PTBP1: variants seen among roughly 807,000 people sequenced by gnomAD.
PTBP1 encodes polypyrimidine tract binding protein 1.
PTBP1 carries 8 observed loss-of-function variants against 59.8 expected under a neutral mutation model. That is an observed-to-expected ratio of 0.13 (90% CI 0.08 to 0.24). PTBP1 has a LOEUF of 0.24. Among genes scored for constraint, PTBP1 ranks in the 10% least tolerant of loss-of-function variants. PTBP1 has a pLI of 1.00. For missense variants in PTBP1, 686 were observed against 767.0 expected (o/e 0.89, Z 1.25); for synonymous variants, 490 against 320.7 (o/e 1.53, Z -5.64).
chr19:800,910 T>A (rs112372640), intron 2 of PTBP1, among the ~76,000 whole-genome samples: 2,139 of 152,178 alleles, frequency 0.014, 58 homozygotes, highest in African/African-American at 0.049. Context: ...CAGCCAGGAC[T>A]TGAAGCCTGC....
At chr19:805,427 G>T (rs2034522004) in intron 8 of PTBP1, 65 bp from the exon 9 acceptor site, 9 of 1,489,912 alleles carry the variant, frequency 6.0e-6, no homozygotes, top group Middle Eastern at 1.7e-4. Flanking sequence ...GGCCCATCCC[G>T]CAGCACAGCG....
chr19:805,315 C>T (rs2034513667), intron 8 of PTBP1, 128 bp downstream of exon 8: 19 of 1,252,800 alleles, frequency 1.5e-5, no homozygotes, highest in Non-Finnish European at 2.0e-5. Context: ...GCACGGCCAG[C>T]ACAGCACGGT....
chr19:799,500 G>A, intron 2 of PTBP1, 57 bp downstream of exon 2: 4 of 1,563,552 alleles, frequency 2.6e-6, no homozygotes, highest in East Asian at 2.2e-5. Context: ...TGCCGACCCC[G>A]GGGGCCACCC....
intron 2 of PTBP1, among the ~76,000 whole-genome samples, chr19:801,945 C>A (rs1280023488): frequency 2.6e-5 from 4 of 152,202 alleles, no homozygotes; most frequent in Non-Finnish European, 1.5e-5. Context: ...CCGGCCGGAA[C>A]CTCAGGGCCG....
rs759097326 is a variant in PTBP1 at position 808,332 on chromosome 19, C to T, written c.1154-28C>T. ...GATGGGCGGGGCAGGCAGCAGGAGA[C>T]TCAGGCCCCATCCCTGGGCTTTTGA... On this transcript the variant is annotated intron_variant, in intron 11 of 14. Transcript: ENST00000356948. This position sits in a 1 kb window ranked among gnomAD's most constrained non-coding sequence, Gnocchi z 4.7. 1.3e-6 allele frequency: 2 copies of T among 1,555,836 alleles called. No homozygotes were observed. The highest frequency in any genetic ancestry group is 1.9e-5 in the Admixed American group (1 of 54,036).
chr19:802,748 C>CA (rs778733370), intron 2 of PTBP1, among the ~76,000 whole-genome samples: 2 of 152,228 alleles, frequency 1.3e-5, no homozygotes, highest in Non-Finnish European at 2.9e-5. Context: ...TTTGAATAAA[C>CA]GTGTGTCTTC....
In PTBP1 at chr19:808,538, T is replaced by TC. The variant is rs2034689864; in HGVS notation, c.1247-3dup. 6.3e-7 allele frequency: 1 copy of TC among 1,577,022 alleles called. No homozygotes were observed. The highest frequency in any genetic ancestry group is 2.4e-5 in the East Asian group (1 of 42,374). Reference sequence around the variant, plus strand: ...GGGCGCCTGGTCACGCGGGTGCTGCTCCCCCAGCCATGAGCCACCTGAACG... The same window carrying TC: ...GGGCGCCTGGTCACGCGGGTGCTGCTCCCCCCAGCCATGAGCCACCTGAACG... On this transcript the variant is annotated splice_region_variant and splice_polypyrimidine_tract_variant and intron_variant, in intron 12 of 14. Coordinates refer to ENST00000356948, the MANE Select transcript of PTBP1 (RefSeq NM_002819.5). The surrounding 1 kb of genome is among the most constrained non-coding windows in gnomAD (Gnocchi z 4.7).
At chr19:798,352 C>T (rs376801007) in intron 1 of PTBP1, 2 of 152,242 alleles carry the variant, frequency 1.3e-5, no homozygotes, top group African/African-American at 2.4e-5. Flanking sequence ...CGAGCGCTTC[C>T]TGCGCGAGGC....
rs1244307666 is a variant in PTBP1, at chr19:805,153, G to A, written c.858G>A (p.Gln286=). The change falls in exon 8 of 15, where the codon CAG becomes CAA. Residue 286 remains glutamine (Q), a synonymous_variant. Coordinates refer to ENST00000356948, the MANE Select transcript of PTBP1 (RefSeq NM_002819.5). Reference sequence around the variant, plus strand: ...CAGACCTGCCTTCCGGGGACAGCCAGCCCTCGCTGGACCAGACCATGGCCG... The same window carrying A: ...CAGACCTGCCTTCCGGGGACAGCCAACCCTCGCTGGACCAGACCATGGCCG... ...TRPDLPSGDS[Q]PSLDQTMAAA... 9 of 1,613,568 alleles carry A rather than the reference G, an allele frequency of 5.6e-6. No individual in the cohort carries two copies. The highest frequency in any genetic ancestry group is 7.6e-6 in the Non-Finnish European group (9 of 1,179,876).
chr19:810,254 T>C (rs1166283060), intron 13 of PTBP1, among the ~76,000 whole-genome samples: 1 of 152,116 alleles, frequency 6.6e-6, no homozygotes, highest in East Asian at 1.9e-4. Context: ...TGTGGTGAGC[T>C]GAGATCACGC....
At position 808,936 on chromosome 19, in the gene PTBP1, G is replaced by T. The variant is rs1218236754; in HGVS notation, c.1463+174G>T. On this transcript the variant is annotated intron_variant, in intron 13 of 14. Transcript: ENST00000356948. This position sits in a 1 kb window ranked among gnomAD's most constrained non-coding sequence, Gnocchi z 4.7. ...AGCTTGAGCCGAGGGCTGCTCAAGGGAGGGGGTCGTTGGACACTTTGGAGG... is the reference window on the plus strand; with the variant it reads ...AGCTTGAGCCGAGGGCTGCTCAAGGTAGGGGGTCGTTGGACACTTTGGAGG... Among the ~76,000 whole-genome samples the T allele has an allele frequency of 2.0e-5, 3 of 152,230 alleles. No homozygotes were observed. Among genetic ancestry groups the T allele is most frequent in the African/African-American group, 7.2e-5 (3 of 41,460 alleles).
At chr19:809,990 G>T (rs1366324241) in intron 13 of PTBP1, among the ~76,000 whole-genome samples, 3 of 152,130 alleles carry the variant, frequency 2.0e-5, no homozygotes, top group Admixed American at 1.3e-4. Context: ...TATTTAACAC[G>T]TTACTTGTGA....
chr19:802,655 G>A (rs1372981792), intron 2 of PTBP1, among the ~76,000 whole-genome samples: 2 of 152,200 alleles, frequency 1.3e-5, no homozygotes, highest in African/African-American at 2.4e-5. Context: ...CAGACCAAGC[G>A]CCTGTGCTCC....
At chr19:797,783 G>C (rs2034137267) in intron 1 of PTBP1, among the ~76,000 whole-genome samples, 1 of 147,102 alleles carries the variant, frequency 6.8e-6, no homozygotes, top group Non-Finnish European at 1.5e-5. Flanking sequence ...CCCTCCGCGC[G>C]CGTCCCCGCA....
At chr19:799,724 C>T (rs1298530703) in intron 2 of PTBP1, among the ~76,000 whole-genome samples, 1 of 152,218 alleles carries the variant, frequency 6.6e-6, no homozygotes, top group Non-Finnish European at 1.5e-5. Flanking sequence ...GTGCCCCAGG[C>T]CTGCCTTTGG....
intron 1 of PTBP1, among the ~76,000 whole-genome samples, chr19:799,111 C>T (rs987552599): frequency 6.6e-6 from 1 of 152,230 alleles, no homozygotes; most frequent in Non-Finnish European, 1.5e-5. Flanking sequence ...CTCGGGGCTT[C>T]CGATGGGGGT....
chr19:808,461 C>A lies in PTBP1; in HGVS notation c.1246+9C>A. ...CAACCAGGCCCAGCTGGGTAAGAGGCCGGGGCGGCCCCGGGGTGGAGGGGG... is the reference window on the plus strand; with the variant it reads ...CAACCAGGCCCAGCTGGGTAAGAGGACGGGGCGGCCCCGGGGTGGAGGGGG... On this transcript the variant is annotated intron_variant, in intron 12 of 14. Transcript: ENST00000356948. This position sits in a 1 kb window ranked among gnomAD's most constrained non-coding sequence, Gnocchi z 4.7. 4 of 1,590,348 alleles carry A rather than the reference C, an allele frequency of 2.5e-6. No homozygotes were observed. The highest frequency in any genetic ancestry group is 3.4e-6 in the Non-Finnish European group (4 of 1,169,876).
Position 805,579 on chromosome 19 carries a change from C to G in PTBP1, c.970+10C>G. ...ATTCCTCAAGCTGCAGGTATTCAAACGCTTGGTCTTGGTTCCCCAGCGACT... is the reference window on the plus strand; with the variant it reads ...ATTCCTCAAGCTGCAGGTATTCAAAGGCTTGGTCTTGGTTCCCCAGCGACT... On this transcript the variant is annotated intron_variant, in intron 9 of 14. Transcript: ENST00000356948. 1.2e-6 allele frequency: 2 copies of G among 1,611,064 alleles called. No individual in the cohort carries two copies. Among genetic ancestry groups the G allele is most frequent in the Admixed American group, 1.7e-5 (1 of 60,014 alleles).
At chr19:809,210 T>C (rs947803721) in intron 13 of PTBP1, among the ~76,000 whole-genome samples, 2 of 151,960 alleles carry the variant, frequency 1.3e-5, no homozygotes, top group African/African-American at 4.8e-5. Context: ...GGTTTCACCA[T>C]ATTGGCCAGG....
Sources: gnomAD v4.1 joint callset for allele counts (sites outside exome capture counted in the v4.1 genomes callset) on GRCh38, gnomAD v4.1.1 for gene constraint, Gnocchi (gnomAD v3.1) non-coding constraint, MANE v1.5 for transcripts, NCBI Gene and HGNC (gene_info 2026-07-23, HGNC 2026-07-21) for gene names.